The following WRN variants were observed in gnomAD, a reference collection of about 807,000 sequenced individuals.
WRN encodes bifunctional 3'-5' exonuclease/ATP-dependent helicase WRN.
A neutral mutation model predicts 180.7 loss-of-function variants in WRN; 149 were observed. The ratio of observed to expected loss-of-function variants is 0.82; its 90% CI spans 0.72 to 0.94. WRN has a LOEUF of 0.94. WRN is among the 40% of genes least tolerant of loss of function. The pLI is 0.00. For missense variants in WRN, 1,661 were observed against 1,700.1 expected, an observed-to-expected ratio of 0.98 and a Z score of 0.40; for synonymous variants, 548 against 568.9, an observed-to-expected ratio of 0.96 and a Z score of 0.52.
intron 3 of WRN, among the ~76,000 whole-genome samples, chr8:31,063,303 T>A (rs975611098): frequency 2.0e-5 from 3 of 152,252 alleles, no homozygotes; most frequent in Non-Finnish European, 2.9e-5. Context: ...ATCTGTGTAG[T>A]TCCATTTTAA....
chr8:31,098,410 C>A lies in WRN; in HGVS notation c.1981+1560C>A, dbSNP rs551544590. Among the ~76,000 whole-genome samples the A allele has an allele frequency of 1.3e-5, 2 of 152,128 alleles. 1 individual carries two copies. The highest frequency in any genetic ancestry group is 3.8e-4 in the East Asian group (2 of 5,196). ...GTATTTAAGCAAATACTTAATACTT[C>A]TGACAAGTAGTTAGAACTCTCTATT... On this transcript the variant is annotated intron_variant, in intron 17 of 34. Transcript: ENST00000298139.
chr8:31,042,325 C>T (rs761811774), intron 1 of WRN, among the ~76,000 whole-genome samples: 2 of 152,166 alleles, frequency 1.3e-5, no homozygotes, highest in Admixed American at 6.5e-5. Flanking sequence ...ATCTACTAGA[C>T]AAGTAGTGGG....
At chr8:31,116,609 A>G in intron 20 of WRN, 81 bp downstream of exon 20, 1 of 1,567,782 alleles carries the variant, frequency 6.4e-7, no homozygotes, top group East Asian at 2.3e-5. Flanking sequence ...CCAGATCTTT[A>G]TTGAATACTT....
chr8:31,106,068 C>T (rs550110180), intron 18 of WRN, among the ~76,000 whole-genome samples: 2 of 152,268 alleles, frequency 1.3e-5, no homozygotes, highest in South Asian at 2.1e-4. Context: ...CACTCTCCTC[C>T]ATCTTGTTTA....
At chr8:31,042,205 T>A (rs561207187) in intron 1 of WRN, among the ~76,000 whole-genome samples, 2 of 152,254 alleles carry the variant, frequency 1.3e-5, no homozygotes, top group South Asian at 2.1e-4. Flanking sequence ...ACATAGTATC[T>A]TTGTAGGAAT....
Position 31,090,462 on chromosome 8 carries a change from A to C in WRN, c.1653-3A>C. ...AAATAGCTTTTTGCTTTTCACCTTC[A>C]AGAGTTCAGTGGAAAGTGATTCATT... On this transcript the variant is annotated splice_region_variant and splice_polypyrimidine_tract_variant and intron_variant, in intron 13 of 34. Transcript: ENST00000298139. 1 of 1,611,700 alleles carries C rather than the reference A, an allele frequency of 6.2e-7. No homozygotes were observed. Among genetic ancestry groups the C allele is most frequent in the South Asian group, 1.1e-5 (1 of 90,848 alleles).
intron 24 of WRN, among the ~76,000 whole-genome samples, chr8:31,137,444 T>A (rs1434137199): frequency 6.6e-6 from 1 of 152,120 alleles, no homozygotes; most frequent in African/African-American, 2.4e-5. Context: ...ACTACCAAGG[T>A]GACCCCTAGC....
intron 11 of WRN, 133 bp downstream of exon 11, chr8:31,085,379 C>G: frequency 1.0e-6 from 1 of 970,572 alleles, no homozygotes; most frequent in South Asian, 1.5e-5. Flanking sequence ...TTAGATTTCA[C>G]ATTTTCCAAT....
At position 31,125,683 on chromosome 8, in the gene WRN, A is replaced by G. The variant is rs143859437; in HGVS notation, c.2825+683A>G. Among the ~76,000 whole-genome samples, 201 of 149,708 alleles carry G rather than the reference A, an allele frequency of 1.3e-3. 2 individuals are homozygous for G. Among genetic ancestry groups the G allele is most frequent in the African/African-American group, 4.6e-3 (189 of 40,894 alleles). On this transcript the variant is annotated intron_variant, in intron 23 of 34. Coordinates refer to ENST00000298139, the MANE Select transcript of WRN (RefSeq NM_000553.6). ...AGTCTGAAATTTGTAGAGCAGGTCA[A>G]TAGGCTGGAAACTCAGGCAAGAGGT...
chr8:31,057,394 C>T (rs1430209674), intron 1 of WRN, among the ~76,000 whole-genome samples: 1 of 151,890 alleles, frequency 6.6e-6, no homozygotes, highest in Non-Finnish European at 1.5e-5. Flanking sequence ...CATGGTGAAA[C>T]CCCGTCGCTA....
At chr8:31,168,694 A>G (rs1054196972) in intron 34 of WRN, among the ~76,000 whole-genome samples, 1 of 152,158 alleles carries the variant, frequency 6.6e-6, no homozygotes, top group African/African-American at 2.4e-5. Flanking sequence ...TGAAAAGCTG[A>G]TTTCTGTAGA....
intron 23 of WRN, among the ~76,000 whole-genome samples, chr8:31,131,260 A>G (rs1205673058): frequency 1.3e-5 from 2 of 149,182 alleles, no homozygotes; most frequent in South Asian, 2.1e-4. Flanking sequence ...GATTCAAGCC[A>G]TTCTCCTGCC....
rs867457933 is a variant in WRN, at chr8:31,167,284, T to A, written c.4191+54T>A. ...AGTGTCAGTTTGTTCAATTTGCATA[T>A]CCTAGTACTAGAATGCTGTATTTTT... On this transcript the variant is annotated intron_variant, in intron 34 of 34. Coordinates refer to ENST00000298139, the MANE Select transcript of WRN (RefSeq NM_000553.6). 1.5e-5 allele frequency: 22 copies of A among 1,431,318 alleles called. No individual in the cohort carries two copies. The Middle Eastern group carries it at 1.4e-3, about 91-fold the overall frequency. 88.7% of individuals were successfully genotyped at this position (1,431,318 alleles called of 1,614,324 possible).
chr8:31,120,105 T>C (rs1240235126), intron 20 of WRN, 138 bp from the exon 21 acceptor site: 2 of 964,822 alleles, frequency 2.1e-6, no homozygotes, highest in African/African-American at 1.6e-5. Flanking sequence ...CTGTAAATGA[T>C]TGGTTGAAAT....
chr8:31,064,488 T>A, intron 4 of WRN, 54 bp downstream of exon 4: 2 of 1,610,502 alleles, frequency 1.2e-6, no homozygotes, highest in Non-Finnish European at 1.7e-6. Context: ...ATATGTCAAC[T>A]TTATCCCTAT....
At chr8:31,037,528 AC>A (rs1222569219) in intron 1 of WRN, among the ~76,000 whole-genome samples, 3 of 152,190 alleles carry the variant, frequency 2.0e-5, no homozygotes, top group Admixed American at 2.0e-4. Context: ...TTGGGGTCTT[AC>A]ATTTAAGTCT....
chr8:31,109,738 A>G (rs941780586), intron 18 of WRN, among the ~76,000 whole-genome samples: 2 of 152,188 alleles, frequency 1.3e-5, no homozygotes, highest in African/African-American at 2.4e-5. Flanking sequence ...TATTGTAGCC[A>G]TTTTATAGAT....
intron 21 of WRN, 51 bp from the exon 22 acceptor site, chr8:31,124,471 G>T: frequency 1.5e-6 from 2 of 1,368,418 alleles, no homozygotes; most frequent in Non-Finnish European, 1.0e-6. Flanking sequence ...AAAAAAGTAA[G>T]AAAGTTGCCA....
chr8:31,075,719 C>CA (rs1181552234), intron 7 of WRN, among the ~76,000 whole-genome samples: 5,377 of 91,490 alleles, frequency 0.059, 207 homozygotes, highest in African/African-American at 0.16. Context: ...GACTCTGTCT[C>CA]AAAAAAAAAA....
Sources: allele counts gnomAD v4.1 joint callset (sites outside exome capture counted in the v4.1 genomes callset), GRCh38; gene constraint gnomAD v4.1.1; transcripts MANE v1.5; gene names NCBI Gene and HGNC (gene_info 2026-07-23, HGNC 2026-07-21).